GPM6A: variants seen among roughly 807,000 people sequenced by gnomAD.
GPM6A encodes glycoprotein M6A, also known as neuronal membrane glycoprotein M6-a.
Under a neutral mutation model 32.1 loss-of-function variants are expected in GPM6A, and 7 were observed. The ratio of observed to expected loss-of-function variants is 0.22; its 90% CI spans 0.12 to 0.41. The LOEUF (loss-of-function observed/expected upper bound fraction) is 0.41, where lower values mean the gene tolerates loss of function less well. Among genes scored for constraint, GPM6A ranks in the 10% least tolerant of loss-of-function variants. The pLI is 1.00. For synonymous variants in GPM6A, 130 were observed against 123.4 expected (o/e 1.05, Z -0.35); for missense variants, 235 against 347.2 (o/e 0.68, Z 2.57).
At chr4:175,838,065 T>C (rs529062084) in intron 1 of GPM6A, among the ~76,000 whole-genome samples, 1 of 149,390 alleles carries the variant, frequency 6.7e-6, no homozygotes, top group Non-Finnish European at 1.5e-5. Flanking sequence ...TAATAAAGAA[T>C]AGCCGTTCAG....
intron 1 of GPM6A, among the ~76,000 whole-genome samples, chr4:175,943,608 GA>G (rs1739487812): frequency 6.6e-6 from 1 of 151,982 alleles, no homozygotes; most frequent in Non-Finnish European, 1.5e-5. Flanking sequence ...GAATTTTATC[GA>G]AGGCCTTTTC....
chr4:175,786,984 G>A (rs2111265040), intron 1 of GPM6A: 1 of 217,586 alleles, frequency 4.6e-6, no homozygotes. Context: ...CCAGCCACTT[G>A]CTGGACGGCA....
chr4:175,809,285 T>C (rs1385031326), intron 1 of GPM6A, among the ~76,000 whole-genome samples: 1 of 152,222 alleles, frequency 6.6e-6, no homozygotes, highest in East Asian at 1.9e-4. Context: ...CTTGTTGCCA[T>C]GATTTTGTGA....
At chr4:175,977,437 A>G (rs2126435789) in intron 1 of GPM6A, among the ~76,000 whole-genome samples, 1 of 152,294 alleles carries the variant, frequency 6.6e-6, no homozygotes, top group Admixed American at 6.5e-5. Context: ...TTGCTCTAAT[A>G]ATATCTTGAA....
intron 1 of GPM6A, among the ~76,000 whole-genome samples, chr4:175,904,067 T>C (rs1738048983): frequency 6.6e-6 from 1 of 152,136 alleles, no homozygotes; most frequent in African/African-American, 2.4e-5. Context: ...GAAGTAAAGT[T>C]AGGGAGTAGC....
chr4:175,813,078 T>G, upstream of GPM6A: 4 of 983,842 alleles, frequency 4.1e-6, no homozygotes, highest in Non-Finnish European at 4.8e-6. Context: ...GACTCTTAAG[T>G]AAAAGGGAGA....
At chr4:175,687,260 T>G (rs1298938252) in intron 2 of GPM6A, among the ~76,000 whole-genome samples, 1 of 152,170 alleles carries the variant, frequency 6.6e-6, no homozygotes, top group Non-Finnish European at 1.5e-5. Flanking sequence ...CAACGTGGTA[T>G]AGCAGATCAT....
chr4:175,973,148 A>T (rs573025236), intron 1 of GPM6A, among the ~76,000 whole-genome samples: 1 of 152,344 alleles, frequency 6.6e-6, no homozygotes, highest in East Asian at 1.9e-4. Context: ...TATAGATGCA[A>T]CATCTTCTAA....
intron 2 of GPM6A, among the ~76,000 whole-genome samples, chr4:175,681,208 C>A (rs1743666417): frequency 6.6e-6 from 1 of 152,110 alleles, no homozygotes; most frequent in Admixed American, 6.5e-5. Flanking sequence ...ATTTTGTATT[C>A]CAACCAGCAG....
At chr4:175,644,590 T>C (rs921066810) in intron 4 of GPM6A, among the ~76,000 whole-genome samples, 9 of 152,062 alleles carry the variant, frequency 5.9e-5, no homozygotes, top group Non-Finnish European at 1.3e-4. Context: ...ACGTGGAGGA[T>C]GAGCTGCAGT....
intron 1 of GPM6A, among the ~76,000 whole-genome samples, chr4:175,883,542 T>C (rs943569782): frequency 6.6e-6 from 1 of 152,168 alleles, no homozygotes; most frequent in Non-Finnish European, 1.5e-5. Context: ...TTGATCTGTA[T>C]TTATACTACA....
At chr4:175,723,738 A>G (rs1196101970) in intron 1 of GPM6A, among the ~76,000 whole-genome samples, 1 of 152,184 alleles carries the variant, frequency 6.6e-6, no homozygotes, top group Admixed American at 6.5e-5. Context: ...ATAAAGACAT[A>G]TTAAGTTATA....
chr4:175,753,314 G>C (rs949147637), intron 1 of GPM6A, among the ~76,000 whole-genome samples: 4 of 152,034 alleles, frequency 2.6e-5, no homozygotes, highest in Non-Finnish European at 4.4e-5. Flanking sequence ...TGTTCAAAAT[G>C]ATCAGAAAGA....
At chr4:175,862,226 C>T (rs1404778065) in intron 1 of GPM6A, among the ~76,000 whole-genome samples, 2 of 152,156 alleles carry the variant, frequency 1.3e-5, no homozygotes, top group African/African-American at 2.4e-5. Flanking sequence ...TGAATTTTCA[C>T]AAGCTGCATA....
intron 1 of GPM6A, among the ~76,000 whole-genome samples, chr4:175,803,781 A>G (rs547974185): frequency 1.3e-5 from 2 of 152,298 alleles, no homozygotes; most frequent in South Asian, 2.1e-4. Flanking sequence ...ATGATGGTCA[A>G]TTGAAAAACT....
chr4:175,837,176 T>C (rs886405385), intron 1 of GPM6A, among the ~76,000 whole-genome samples: 3 of 151,558 alleles, frequency 2.0e-5, no homozygotes, highest in African/African-American at 7.3e-5. Context: ...GCTTTGAAGA[T>C]GAAGGAAAGG....
chr4:175,977,423 C>G (rs984902459), intron 1 of GPM6A, among the ~76,000 whole-genome samples: 1 of 152,136 alleles, frequency 6.6e-6, no homozygotes, highest in African/African-American at 2.4e-5. Flanking sequence ...AAATAAAACT[C>G]TTCTTGCTCT....
chr4:175,729,405 T>C (rs1036462543), intron 1 of GPM6A, among the ~76,000 whole-genome samples: 39 of 152,154 alleles, frequency 2.6e-4, no homozygotes, highest in African/African-American at 8.0e-4. Context: ...CAGAGTCTCC[T>C]CTATGTTCCA....
chr4:175,966,958 T>G (rs532892736), intron 1 of GPM6A, among the ~76,000 whole-genome samples: 2 of 152,240 alleles, frequency 1.3e-5, no homozygotes, highest in East Asian at 3.9e-4. Context: ...TAATTTATTT[T>G]ACAAGTCCAG....
Sources: allele counts gnomAD v4.1 joint callset (sites outside exome capture counted in the v4.1 genomes callset), GRCh38; gene constraint gnomAD v4.1.1; transcripts MANE v1.5; gene names NCBI Gene and HGNC (gene_info 2026-07-23, HGNC 2026-07-21).